KLHL42: variants seen among roughly 807,000 people sequenced by gnomAD.
KLHL42 encodes kelch like family member 42.
KLHL42 carries 27 observed loss-of-function variants against 32.7 expected under a neutral mutation model. The observed-to-expected ratio is 0.83, with a 90% CI of 0.61 to 1.14. The LOEUF (loss-of-function observed/expected upper bound fraction) is 1.14. Among genes scored for constraint, KLHL42 ranks in the 50% most tolerant of loss-of-function variants. KLHL42 has a pLI of 0.00. For synonymous variants in KLHL42, 267 were observed against 248.2 expected, an observed-to-expected ratio of 1.08 and a Z score of -0.71; for missense variants, 491 against 560.8, an observed-to-expected ratio of 0.88 and a Z score of 1.26.
chr12:27,792,613 T>C (rs2062202202), intron 2 of KLHL42, among the ~76,000 whole-genome samples: 1 of 152,276 alleles, frequency 6.6e-6, no homozygotes, highest in African/African-American at 2.4e-5. Context: ...AATCTCTGCC[T>C]CCTGGGTTCA....
At chr12:27,793,965 T>A (rs1202599895) in intron 2 of KLHL42, among the ~76,000 whole-genome samples, 1 of 152,178 alleles carries the variant, frequency 6.6e-6, no homozygotes, top group African/African-American at 2.4e-5. Context: ...TCCAGATAGG[T>A]GACAGAAATT....
chr12:27,781,241 T>C (rs767415804), intron 1 of KLHL42, 39 bp downstream of exon 1: 25 of 1,603,146 alleles, frequency 1.6e-5, no homozygotes, highest in Non-Finnish European at 2.0e-5. Context: ...TTCTCATTCA[T>C]TCACTTGTTC....
At position 27,780,262 on chromosome 12, in the gene KLHL42, C is replaced by CGCGCGTAGGGGCTGGGAGGCCG; in HGVS notation, c.-63_-42dup. The CGCGCGTAGGGGCTGGGAGGCCG allele has an allele frequency of 1.5e-6, 2 of 1,373,106 alleles. No individual in the cohort carries two copies. The highest frequency in any genetic ancestry group is 9.4e-7 in the Non-Finnish European group (1 of 1,060,656). 85.1% of individuals were successfully genotyped at this position (1,373,106 alleles called of 1,614,324 possible). A position where few individuals can be genotyped will look rare whatever the true frequency, so the allele number is the denominator to read the frequency against. On this transcript the variant is annotated 5_prime_UTR_variant, in exon 1 of 3. Coordinates refer to ENST00000381271, the MANE Select transcript of KLHL42 (RefSeq NM_020782.2). This position sits in a 1 kb window ranked among gnomAD's most constrained non-coding sequence, Gnocchi z 8.8. ...CTCGGCGCCCCGCCCGGAACCGGCG[C>CGCGCGTAGGGGCTGGGAGGCCG]GCGCGTAGGGGCTGGGAGGCCGGCG...
chr12:27,799,687 T>G lies in KLHL42; in HGVS notation c.*1521T>G, dbSNP rs17801400. On this transcript the variant is annotated 3_prime_UTR_variant, in exon 3 of 3. Coordinates refer to ENST00000381271, the MANE Select transcript of KLHL42 (RefSeq NM_020782.2). ...AGTTTATTAGAGGAGTGACTACAGG[T>G]TTTCTTTACAACCATGGCCTCTAGT... 0.37 allele frequency: 57,160 copies of G among 152,544 alleles called. 10,993 individuals are homozygous for G. Among genetic ancestry groups the G allele is most frequent in the South Asian group, 0.43 (2,054 of 4,826 alleles). The allele number at this position is 152,544 out of a possible 1,614,324, so 9.4% of individuals were successfully genotyped here. A position where few individuals can be genotyped will look rare whatever the true frequency, so the allele number is the denominator to read the frequency against.
chr12:27,790,314 A>G (rs1464697508), intron 1 of KLHL42, among the ~76,000 whole-genome samples: 1 of 152,094 alleles, frequency 6.6e-6, no homozygotes, highest in African/African-American at 2.4e-5. Flanking sequence ...CTGTTACCCC[A>G]TTTTACAGAT....
At chr12:27,781,776 G>C (rs963995885) in intron 1 of KLHL42, among the ~76,000 whole-genome samples, 1 of 152,126 alleles carries the variant, frequency 6.6e-6, no homozygotes, top group Non-Finnish European at 1.5e-5. Context: ...GACAGCCATC[G>C]TCATGACCCA....
At chr12:27,794,902 A>G (rs1203228067) in intron 2 of KLHL42, among the ~76,000 whole-genome samples, 1 of 150,214 alleles carries the variant, frequency 6.7e-6, no homozygotes, top group Non-Finnish European at 1.5e-5. Context: ...CTTTTTCTTT[A>G]CATATAATTG....
rs980580222 is a variant in KLHL42, at chr12:27,802,326, G to T, written c.*4160G>T. ...GGAAGTTAGTATCTAAGAGGGGCAA[G>T]CTGATTGCATGTGCATTTATACCTA... On this transcript the variant is annotated 3_prime_UTR_variant, in exon 3 of 3. Transcript: ENST00000381271. The T allele has an allele frequency of 1.3e-5, 2 of 152,202 alleles. No homozygotes were observed. Among genetic ancestry groups the T allele is most frequent in the Non-Finnish European group, 2.9e-5 (2 of 68,040 alleles). 9.4% of individuals were successfully genotyped at this position (152,202 alleles called of 1,614,324 possible). A position where few individuals can be genotyped will look rare whatever the true frequency, so the allele number is the denominator to read the frequency against.
chr12:27,784,931 G>C (rs544140990), intron 1 of KLHL42, among the ~76,000 whole-genome samples: 57 of 152,326 alleles, frequency 3.7e-4, no homozygotes, highest in Non-Finnish European at 6.5e-4. Flanking sequence ...ACATTCATTT[G>C]AGAAGTTCTA....
Position 27,800,520 on chromosome 12 carries a change from C to A in KLHL42, c.*2354C>A. ...ACATCGTCCTTCCTGCTGTGCACAT[C>A]AGCTGTGATGACATTTTGAGGGTAG... On this transcript the variant is annotated 3_prime_UTR_variant, in exon 3 of 3. Transcript: ENST00000381271. The A allele has an allele frequency of 3.4e-6, 1 of 290,398 alleles. No homozygotes were observed. The highest frequency in any genetic ancestry group is 5.1e-6 in the Non-Finnish European group (1 of 194,532). 18.0% of individuals were successfully genotyped at this position (290,398 alleles called of 1,614,324 possible).
In KLHL42 at chr12:27,780,804, C is replaced by T. The variant is rs2062143755; in HGVS notation, c.474C>T (p.His158=). 6.2e-7 allele frequency: 1 copy of T among 1,613,648 alleles called. No individual in the cohort carries two copies. The highest frequency in any genetic ancestry group is 1.3e-5 in the African/African-American group (1 of 74,948). The stretch of plus-strand genomic sequence containing the variant: ...TGCGCTTCATGGTCGTCCACTTCCA[C>T]GAGGTGCTGTGCAAGCCCCAGTTCC... ...ACLRFMVVHF[H]EVLCKPQFHL... is the part of the protein sequence containing the mutation. Residue 158 remains histidine (H), a synonymous_variant, in exon 1 of 3, where the codon CAC becomes CAT. Coordinates refer to ENST00000381271, the MANE Select transcript of KLHL42 (RefSeq NM_020782.2). This position sits in a 1 kb window ranked among gnomAD's most constrained non-coding sequence, Gnocchi z 8.8.
intron 1 of KLHL42, among the ~76,000 whole-genome samples, chr12:27,783,566 C>A (rs975305927): frequency 9.2e-5 from 14 of 152,052 alleles, no homozygotes; most frequent in Admixed American, 3.3e-4. Flanking sequence ...AAATGTAGAT[C>A]TACCTTATGC....
At chr12:27,788,184 T>G (rs2140816772) in intron 1 of KLHL42, 1 of 152,322 alleles carries the variant, frequency 6.6e-6, no homozygotes, top group South Asian at 2.1e-4. Context: ...GATCTTGGCA[T>G]TTTGTTCTAA....
At chr12:27,783,947 G>A (rs1265544772) in intron 1 of KLHL42, among the ~76,000 whole-genome samples, 1 of 152,068 alleles carries the variant, frequency 6.6e-6, no homozygotes, top group African/African-American at 2.4e-5. Context: ...AATGTAATTA[G>A]CCCTTCCCTT....
At position 27,780,625 on chromosome 12, in the gene KLHL42, G is replaced by A. The variant is rs2062142509; in HGVS notation, c.295G>A (p.Val99Met). 4 of 1,567,188 alleles carry A rather than the reference G, an allele frequency of 2.6e-6. No individual in the cohort carries two copies. The South Asian group carries it at 4.8e-5, about 19-fold the overall frequency. ...GGACGAGGACGAGGAGATGGATGAG[G>A]TGAGCCTGCTGTCCGAGCTGGTGGA... ...GVDEDEEMDE[V>M]SLLSELVEAA... Residue 99 changes from valine to methionine, a missense_variant, in exon 1 of 3, where the codon GTG (valine) becomes ATG (methionine). Val to Met is a conservative substitution (Grantham distance 21). Around this residue, in one of 4 missense-constraint regions of KLHL42, gnomAD observed 248 missense variants for 329.2 expected, o/e 0.75. Coordinates refer to ENST00000381271, the MANE Select transcript of KLHL42 (RefSeq NM_020782.2). This position sits in a 1 kb window ranked among gnomAD's most constrained non-coding sequence, Gnocchi z 8.8.
intron 1 of KLHL42, among the ~76,000 whole-genome samples, chr12:27,782,077 A>G (rs1199031519): frequency 6.6e-6 from 1 of 152,218 alleles, no homozygotes; most frequent in African/African-American, 2.4e-5. Context: ...AATGTAACTC[A>G]AGAAAGGATG....
At chr12:27,789,489 T>A (rs2062187252) in intron 1 of KLHL42, among the ~76,000 whole-genome samples, 1 of 152,220 alleles carries the variant, frequency 6.6e-6, no homozygotes, top group South Asian at 2.1e-4. Context: ...ATGGAATCAT[T>A]TACTTTAACT....
In KLHL42 at chr12:27,780,992, G is replaced by C; in HGVS notation, c.662G>C (p.Arg221Thr). The change falls in exon 1 of 3, where the codon AGG becomes ACG. Residue 221 changes from arginine (R) to threonine (T), a missense_variant. Physicochemically the swap from Arg to Thr is moderately conservative, Grantham distance 71. Coordinates refer to ENST00000381271, the MANE Select transcript of KLHL42 (RefSeq NM_020782.2). The surrounding 1 kb of genome is among the most constrained non-coding windows in gnomAD (Gnocchi z 8.8). The part of the protein sequence containing the change: ...PYQGEPPSML[R>T]YEEMTERWFP... ...CAGGGGGAGCCCCCGTCCATGCTCA[G>C]GTACGAGGAGATGACTGAGCGTTGG... 6.2e-7 allele frequency: 1 copy of C among 1,607,390 alleles called. No individual in the cohort carries two copies. The highest frequency in any genetic ancestry group is 8.5e-7 in the Non-Finnish European group (1 of 1,175,794).
intron 2 of KLHL42, chr12:27,797,145 C>A: frequency 5.4e-6 from 2 of 370,234 alleles, no homozygotes; most frequent in Admixed American, 3.3e-5. Context: ...AAAAAAAAAA[C>A]TGGAAACTGA....
Sources: gnomAD v4.1 joint callset for allele counts (sites outside exome capture counted in the v4.1 genomes callset) on GRCh38, gnomAD v4.1.1 for gene constraint, gnomAD v4.1.1 regional missense constraint, Gnocchi (gnomAD v3.1) non-coding constraint, MANE v1.5 for transcripts, NCBI Gene and HGNC (gene_info 2026-07-23, HGNC 2026-07-21) for gene names.